Variants in CHCHD6 observed in about 807,000 individuals in gnomAD.
CHCHD6 encodes the protein coiled-coil-helix-coiled-coil-helix domain containing 6, also known as MICOS complex subunit MIC25.
In CHCHD6, 28 loss-of-function variants were observed where a neutral mutation model predicts 32.3. The ratio of observed to expected loss-of-function variants is 0.87; its 90% CI spans 0.64 to 1.19. The LOEUF (loss-of-function observed/expected upper bound fraction) is 1.19, where lower values mean the gene tolerates loss of function less well. Ranked by LOEUF, CHCHD6 falls within the 50% of genes most tolerant of loss-of-function variation. CHCHD6 has a pLI of 0.00. For synonymous variants in CHCHD6, 122 were observed against 117.5 expected (o/e 1.04, Z -0.25); for missense variants, 333 against 307.0 (o/e 1.08, Z -0.63).
intron 4 of CHCHD6, among the ~76,000 whole-genome samples, chr3:126,788,467 G>C (rs1938342552): frequency 6.6e-6 from 1 of 152,030 alleles, no homozygotes; most frequent in African/African-American, 2.4e-5. Context: ...GACTTTTTTT[G>C]GTTGGTAAGC....
At chr3:126,862,441 A>T (rs1455404108) in intron 5 of CHCHD6, among the ~76,000 whole-genome samples, 2 of 103,248 alleles carry the variant, frequency 1.9e-5, no homozygotes, top group African/African-American at 3.8e-5. Flanking sequence ...CTCCTCCTCC[A>T]CCATCACCAC....
chr3:126,767,655 A>T (rs1937432994), intron 4 of CHCHD6, among the ~76,000 whole-genome samples: 1 of 152,180 alleles, frequency 6.6e-6, no homozygotes, highest in African/African-American at 2.4e-5. Flanking sequence ...GGTAAACTGC[A>T]TGTCACAGGG....
rs896626961 is a variant in CHCHD6, at chr3:126,851,637, T to C, written c.412-1010T>C. ...CCCTTAGTGTGGAGTTGTTCCACAT[T>C]TGACCCATGGAGGGTAGAGGCGGGC... On this transcript the variant is annotated intron_variant, in intron 4 of 7. Coordinates refer to ENST00000290913, the MANE Select transcript of CHCHD6 (RefSeq NM_032343.3). Among the ~76,000 whole-genome samples, 5 of 152,300 alleles carry C rather than the reference T, an allele frequency of 3.3e-5. No homozygotes were observed. In the East Asian group the frequency reaches 9.7e-4, roughly 29 times the overall value.
At chr3:126,885,222 C>T (rs943663487) in intron 5 of CHCHD6, among the ~76,000 whole-genome samples, 7 of 152,198 alleles carry the variant, frequency 4.6e-5, no homozygotes, top group Admixed American at 2.0e-4. Context: ...ACGTGGGCCT[C>T]CTGTTCAGTC....
At chr3:126,808,128 T>A (rs1032423561) in intron 4 of CHCHD6, among the ~76,000 whole-genome samples, 2 of 152,218 alleles carry the variant, frequency 1.3e-5, no homozygotes, top group African/African-American at 4.8e-5. Context: ...GAAGGCTTGT[T>A]GGGGGTTGGA....
At chr3:126,776,522 G>T (rs893441052) in intron 4 of CHCHD6, among the ~76,000 whole-genome samples, 3 of 152,138 alleles carry the variant, frequency 2.0e-5, no homozygotes, top group Non-Finnish European at 4.4e-5. Flanking sequence ...TTTTTGTCCT[G>T]TTTGGATCGA....
At chr3:126,852,577 C>G in intron 4 of CHCHD6, 70 bp from the exon 5 acceptor site, 1 of 1,127,804 alleles carries the variant, frequency 8.9e-7, no homozygotes. Context: ...ATGTCCGTCG[C>G]CTTCTCCCTG....
intron 5 of CHCHD6, among the ~76,000 whole-genome samples, chr3:126,858,510 C>T (rs889697219): frequency 7.9e-5 from 12 of 152,182 alleles, no homozygotes; most frequent in South Asian, 4.1e-4. Context: ...GCACCCTCCT[C>T]GCTGGCCTGC....
intron 5 of CHCHD6, among the ~76,000 whole-genome samples, chr3:126,868,502 AAAAC>A (rs2077419474): frequency 6.6e-6 from 1 of 152,176 alleles, no homozygotes; most frequent in African/African-American, 2.4e-5. Flanking sequence ...ATGTAGGAAA[AAAAC>A]AAACAATGCA....
intron 4 of CHCHD6, among the ~76,000 whole-genome samples, chr3:126,789,992 C>A (rs561919302): frequency 2.0e-5 from 3 of 152,072 alleles, no homozygotes; most frequent in African/African-American, 7.2e-5. Flanking sequence ...TTAGTGCTTG[C>A]TTCAGGAGCT....
intron 4 of CHCHD6, among the ~76,000 whole-genome samples, chr3:126,769,028 G>A (rs1937489883): frequency 6.6e-6 from 1 of 152,206 alleles, no homozygotes; most frequent in South Asian, 2.1e-4. Context: ...CTCTGCAGAA[G>A]TTCTTTAGTT....
intron 6 of CHCHD6, among the ~76,000 whole-genome samples, chr3:126,943,999 CAT>C (rs1166728706): frequency 1.3e-5 from 2 of 152,194 alleles, no homozygotes; most frequent in Admixed American, 1.3e-4. Context: ...TAGAAGATAA[CAT>C]AGGAGAAAAA....
intron 5 of CHCHD6, among the ~76,000 whole-genome samples, chr3:126,880,104 A>G (rs1214653656): frequency 6.6e-6 from 1 of 152,170 alleles, no homozygotes; most frequent in Non-Finnish European, 1.5e-5. Context: ...GGTTAGGGAG[A>G]TGCCATTCTC....
At chr3:126,827,320 G>C (rs1256141165) in intron 4 of CHCHD6, among the ~76,000 whole-genome samples, 2 of 152,228 alleles carry the variant, frequency 1.3e-5, no homozygotes, top group Non-Finnish European at 2.9e-5. Flanking sequence ...AGAGGTTGGA[G>C]GATGAAAGCA....
In CHCHD6 at chr3:126,957,530, C is replaced by T. The variant is rs1478068494; in HGVS notation, c.681C>T (p.Arg227=). The T allele has an allele frequency of 1.3e-6, 2 of 1,576,764 alleles. No individual in the cohort carries two copies. The highest frequency in any genetic ancestry group is 1.7e-6 in the Non-Finnish European group (2 of 1,161,456). Residue 227 remains arginine (R), a synonymous_variant, in exon 7 of 8, where the codon CGC becomes CGT. Transcript: ENST00000290913. ...CGGACCTGGTCAAGGCATACCAGCG[C>T]TGCGTGAGCGCCGCCCACAAGGTAA... ...LCSDLVKAYQ[R]CVSAAHKG
At chr3:126,917,508 C>A (rs920837879) in intron 6 of CHCHD6, among the ~76,000 whole-genome samples, 3 of 152,044 alleles carry the variant, frequency 2.0e-5, no homozygotes, top group African/African-American at 7.2e-5. Flanking sequence ...CTTCTACAGG[C>A]CTCCGTTTCC....
intron 4 of CHCHD6, among the ~76,000 whole-genome samples, chr3:126,739,856 T>C (rs1360052148): frequency 1.3e-5 from 2 of 152,216 alleles, no homozygotes; most frequent in Non-Finnish European, 2.9e-5. Context: ...TTGGTTCTGT[T>C]GACTATTTTC....
In CHCHD6 at chr3:126,704,359, T is replaced by G; in HGVS notation, c.47T>G (p.Val16Gly). ...SSEGRRVSFGVDEEERVRVLQ... is the reference protein window; with the variant it reads ...SSEGRRVSFGGDEEERVRVLQ... ...GAGGGCCGCAGGGTGTCCTTCGGAGTGGACGAGGAGGAGCGGGTCCGGGTG... is the reference window on the plus strand; with the variant it reads ...GAGGGCCGCAGGGTGTCCTTCGGAGGGGACGAGGAGGAGCGGGTCCGGGTG... The change falls in exon 1 of 8, where the codon GTG becomes GGG. Residue 16 changes from valine to glycine, a missense_variant. By Grantham distance (109) the Val-to-Gly change is moderately radical (BLOSUM62 -3). Transcript: ENST00000290913. The G allele has an allele frequency of 6.3e-7, 1 of 1,591,602 alleles. No individual in the cohort carries two copies. The highest frequency in any genetic ancestry group is 1.1e-5 in the South Asian group (1 of 88,306).
At chr3:126,915,472 C>G (rs754450746) in intron 6 of CHCHD6, among the ~76,000 whole-genome samples, 59 of 152,216 alleles carry the variant, frequency 3.9e-4, no homozygotes, top group Non-Finnish European at 1.0e-4. Flanking sequence ...CTTATGGGTT[C>G]TCTGTGTGAA....
Sources: allele counts gnomAD v4.1 joint callset (sites outside exome capture counted in the v4.1 genomes callset), GRCh38; gene constraint gnomAD v4.1.1; transcripts MANE v1.5; gene names NCBI Gene and HGNC (gene_info 2026-07-23, HGNC 2026-07-21).